Variants in PDE1C observed in about 807,000 individuals in gnomAD.
The protein encoded by PDE1C is dual specificity calcium/calmodulin-dependent 3',5'-cyclic nucleotide phosphodiesterase 1C.
PDE1C carries 62 observed loss-of-function variants against 93.1 expected under a neutral mutation model. The ratio of observed to expected loss-of-function variants is 0.67; its 90% confidence interval spans 0.54 to 0.82. The LOEUF is 0.82. Among genes scored for constraint, PDE1C ranks in the 40% least tolerant of loss-of-function variants. The pLI is 0.00. For missense variants in PDE1C, 742 were observed against 884.6 expected (o/e 0.84, Z 2.04); for synonymous variants, 325 against 310.1 (o/e 1.05, Z -0.50).
chr7:32,392,773 G>A (rs974667448), intron 1 of PDE1C, among the ~76,000 whole-genome samples: 8 of 151,966 alleles, frequency 5.3e-5, no homozygotes, highest in African/African-American at 1.9e-4. Flanking sequence ...ATATATGGCC[G>A]AGCGTGGTGG....
At chr7:32,005,897 T>G (rs2128572228) in intron 2 of PDE1C, among the ~76,000 whole-genome samples, 1 of 152,320 alleles carries the variant, frequency 6.6e-6, no homozygotes. Context: ...CACGTACTGT[T>G]ACTTACAGAC....
chr7:32,206,382 ACTGT>A (rs776170362), intron 2 of PDE1C, among the ~76,000 whole-genome samples: 1 of 152,154 alleles, frequency 6.6e-6, no homozygotes. Flanking sequence ...CAAGGAGCTG[ACTGT>A]CTAATAGAGA....
chr7:31,916,282 C>A (rs2128949210), intron 2 of PDE1C, among the ~76,000 whole-genome samples: 1 of 152,238 alleles, frequency 6.6e-6, no homozygotes, highest in South Asian at 2.1e-4. Context: ...TCTTAAAACC[C>A]CTCAAACCTA....
At chr7:31,641,601 T>C in the PDE1C span, among the ~76,000 whole-genome samples, 1 of 152,208 alleles carries the variant, frequency 6.6e-6, no homozygotes, top group Non-Finnish European at 1.5e-5. Flanking sequence ...TCATGGATGC[T>C]CCTGTTTACA....
At chr7:31,689,956 G>A in the PDE1C span, among the ~76,000 whole-genome samples, 2 of 152,192 alleles carry the variant, frequency 1.3e-5, no homozygotes, top group Non-Finnish European at 2.9e-5. Context: ...TTGAAATAGT[G>A]TTGTTTCTCC....
intron 3 of PDE1C, among the ~76,000 whole-genome samples, chr7:32,145,937 T>C (rs1448207618): frequency 6.6e-6 from 1 of 152,190 alleles, no homozygotes. Context: ...GTGAAAACTG[T>C]ACCCTCAATC....
intron 1 of PDE1C, among the ~76,000 whole-genome samples, chr7:32,354,836 A>G (rs1784000634): frequency 2.0e-5 from 3 of 152,218 alleles, no homozygotes; most frequent in Non-Finnish European, 4.4e-5. Context: ...AAAAGATGAA[A>G]CACTTGCTAT....
chr7:32,260,315 C>T (rs1810105625), intron 1 of PDE1C, among the ~76,000 whole-genome samples: 1 of 152,210 alleles, frequency 6.6e-6, no homozygotes, highest in Admixed American at 6.5e-5. Flanking sequence ...CTCTGTGACC[C>T]TGGAAACCTT....
chr7:31,775,526 A>T, intron 17 of PDE1C, 138 bp downstream of exon 17: 1 of 680,732 alleles, frequency 1.5e-6, no homozygotes, highest in South Asian at 1.9e-5. Context: ...AGGGTGACAG[A>T]GACAAAGCTC....
At chr7:32,282,102 A>G (rs1015210231) in intron 1 of PDE1C, among the ~76,000 whole-genome samples, 41 of 151,908 alleles carry the variant, frequency 2.7e-4, no homozygotes, top group Admixed American at 5.9e-4. Context: ...GCACATGTAT[A>G]CATATGTAAC....
chr7:32,255,178 A>G (rs2128877442), intron 1 of PDE1C, among the ~76,000 whole-genome samples: 1 of 152,288 alleles, frequency 6.6e-6, no homozygotes, highest in South Asian at 2.1e-4. Flanking sequence ...TCACTTTGCA[A>G]AGCTCTTAAG....
chr7:31,625,477 A>G, the PDE1C span, among the ~76,000 whole-genome samples: 51 of 152,204 alleles, frequency 3.4e-4, 1 homozygote, highest in Admixed American at 2.6e-3. Flanking sequence ...TTGTAGGGAC[A>G]TGGATGAAAT....
intron 2 of PDE1C, among the ~76,000 whole-genome samples, chr7:31,953,659 G>A (rs1356396185): frequency 6.6e-6 from 1 of 152,156 alleles, no homozygotes; most frequent in Non-Finnish European, 1.5e-5. Flanking sequence ...TGAGAGAAAT[G>A]CATGTTGACA....
At chr7:32,089,047 T>C (rs1797299715) in intron 3 of PDE1C, among the ~76,000 whole-genome samples, 1 of 152,124 alleles carries the variant, frequency 6.6e-6, no homozygotes, top group Non-Finnish European at 1.5e-5. Context: ...AAAATATAGC[T>C]CTCAAACGCC....
chr7:31,897,368 A>G (rs1799443769), intron 2 of PDE1C, among the ~76,000 whole-genome samples: 1 of 152,258 alleles, frequency 6.6e-6, no homozygotes, highest in African/African-American at 2.4e-5. Flanking sequence ...GAAAACATGT[A>G]AGATTATACA....
At chr7:31,755,669 T>C (rs1018693966) in intron 17 of PDE1C, among the ~76,000 whole-genome samples, 9 of 151,974 alleles carry the variant, frequency 5.9e-5, no homozygotes, top group Non-Finnish European at 1.3e-4. Context: ...TTGAATCAAA[T>C]TGAGCAACAA....
chr7:31,620,458 T>TA, the PDE1C span, among the ~76,000 whole-genome samples: 1 of 149,838 alleles, frequency 6.7e-6, no homozygotes, highest in African/African-American at 2.5e-5. Context: ...TCACGAAAAA[T>TA]ACCTGTTCTG....
At chr7:32,160,188 C>T (rs765099032) in intron 3 of PDE1C, among the ~76,000 whole-genome samples, 8 of 151,996 alleles carry the variant, frequency 5.3e-5, no homozygotes, top group Non-Finnish European at 1.0e-4. Context: ...TGCAGGGTGC[C>T]AGAGGGGACT....
At chr7:32,121,592 A>G (rs1373836708) in intron 3 of PDE1C, among the ~76,000 whole-genome samples, 1 of 152,160 alleles carries the variant, frequency 6.6e-6, no homozygotes, top group Non-Finnish European at 1.5e-5. Context: ...ACATTCTTAA[A>G]AGAAGAAATT....
Sources: gnomAD v4.1 joint callset for allele counts (sites outside exome capture counted in the v4.1 genomes callset) on GRCh38, gnomAD v4.1.1 for gene constraint, MANE v1.5 for transcripts, NCBI Gene and HGNC (gene_info 2026-07-23, HGNC 2026-07-21) for gene names.